The following CCSER1 variants were observed in gnomAD, a reference collection of about 807,000 sequenced individuals.
CCSER1 encodes coiled-coil serine rich protein 1.
Under a neutral mutation model 82.0 loss-of-function variants are expected in CCSER1, and 41 were observed. The observed-to-expected ratio is 0.50, with a 90% CI of 0.39 to 0.65. The LOEUF (loss-of-function observed/expected upper bound fraction) is 0.65. Among genes scored for constraint, CCSER1 ranks in the 30% least tolerant of loss-of-function variants. The pLI is 0.00. For synonymous variants in CCSER1, 414 were observed against 383.9 expected (o/e 1.08, Z -0.92); for missense variants, 1,119 against 1,064.2 (o/e 1.05, Z -0.72).
chr4:91,457,132 A>G (rs1756224615), intron 10 of CCSER1, among the ~76,000 whole-genome samples: 1 of 152,148 alleles, frequency 6.6e-6, no homozygotes, highest in Non-Finnish European at 1.5e-5. Flanking sequence ...AAGAATGGCT[A>G]CACGTCTCCC....
intron 7 of CCSER1, among the ~76,000 whole-genome samples, chr4:90,814,755 C>T (rs560087646): frequency 6.6e-6 from 1 of 152,314 alleles, no homozygotes; most frequent in East Asian, 1.9e-4. Flanking sequence ...ACCTTTACTC[C>T]AGTTCCCAAT....
chr4:90,194,659 G>A lies in CCSER1; in HGVS notation c.-42+66828G>A, dbSNP rs369591053. 2.4e-4 allele frequency among the ~76,000 whole-genome samples: 37 copies of A among 151,972 alleles called. 1 individual carries two copies. Among genetic ancestry groups the A allele is most frequent in the African/African-American group, 8.4e-4 (35 of 41,474 alleles). On this transcript the variant is annotated intron_variant, in intron 1 of 10. Transcript: ENST00000509176. ...TGATCTCATTTTTGTGGTATTAATT[G>A]ATCCAAGTAATTTACCACCTGTCAA...
intron 10 of CCSER1, among the ~76,000 whole-genome samples, chr4:91,402,935 G>A (rs911289202): frequency 3.3e-5 from 5 of 152,166 alleles, no homozygotes; most frequent in Non-Finnish European, 7.4e-5. Context: ...TGTGAAGAAA[G>A]TCATTGGTAG....
intron 10 of CCSER1, among the ~76,000 whole-genome samples, chr4:91,589,914 A>T (rs908384822): frequency 6.6e-5 from 10 of 151,570 alleles, no homozygotes; most frequent in East Asian, 1.9e-4. Context: ...ACACACACAC[A>T]CTCTCTCACA....
chr4:91,393,178 ATAT>A (rs1408472445), intron 10 of CCSER1, among the ~76,000 whole-genome samples: 1 of 152,120 alleles, frequency 6.6e-6, no homozygotes, highest in Non-Finnish European at 1.5e-5. Context: ...CTCGGTACTG[ATAT>A]TATTGGTATT....
chr4:90,235,363 G>T (rs913596219), intron 1 of CCSER1: 1 of 152,144 alleles, frequency 6.6e-6, no homozygotes, highest in African/African-American at 2.4e-5. Context: ...ATCTTCTCTA[G>T]CATCTGGGAC....
intron 10 of CCSER1, among the ~76,000 whole-genome samples, chr4:91,116,817 G>A (rs909591872): frequency 8.5e-5 from 13 of 152,254 alleles, no homozygotes; most frequent in African/African-American, 1.4e-4. Flanking sequence ...TAGTTTTACC[G>A]AGTGGGAAGT....
chr4:90,830,274 G>A (rs1361236798), intron 8 of CCSER1, among the ~76,000 whole-genome samples: 2 of 152,048 alleles, frequency 1.3e-5, no homozygotes, highest in East Asian at 3.9e-4. Flanking sequence ...CTCACCCTTG[G>A]CCGTAATTTT....
chr4:90,333,439 A>G, intron 3 of CCSER1, among the ~76,000 whole-genome samples: 1 of 152,226 alleles, frequency 6.6e-6, no homozygotes, highest in East Asian at 1.9e-4. Flanking sequence ...ACGAAACAAA[A>G]AAAGAAATAA....
intron 10 of CCSER1, among the ~76,000 whole-genome samples, chr4:91,321,683 A>G (rs1328036503): frequency 6.6e-6 from 1 of 152,066 alleles, no homozygotes. Context: ...TATAAATGAA[A>G]TCATGCTCAC....
intron 1 of CCSER1, among the ~76,000 whole-genome samples, chr4:90,274,004 CTA>C (rs1211126750): frequency 5.3e-5 from 8 of 152,116 alleles, no homozygotes; most frequent in Non-Finnish European, 8.8e-5. Context: ...TTTAAAAACA[CTA>C]ATGCAAATTT....
At position 91,339,621 on chromosome 4, in the gene CCSER1, T is replaced by C. The variant is rs569623474; in HGVS notation, c.2217+253627T>C. Among the ~76,000 whole-genome samples, 297 of 152,256 alleles carry C rather than the reference T, an allele frequency of 2.0e-3. 2 individuals carry two copies. The highest frequency in any genetic ancestry group is 6.8e-3 in the African/African-American group (281 of 41,542). On this transcript the variant is annotated intron_variant, in intron 10 of 10. Transcript: ENST00000509176. The stretch of plus-strand genomic sequence containing the variant: ...TTGCAACATTCTACATCCTCTCAGA[T>C]TTCAGTACCACTTTTTTCTTTACCA...
At chr4:90,586,358 T>TA (rs1782023907) in intron 5 of CCSER1, among the ~76,000 whole-genome samples, 1 of 152,188 alleles carries the variant, frequency 6.6e-6, no homozygotes, top group African/African-American at 2.4e-5. Flanking sequence ...TAAGTGTTGC[T>TA]AAAAAATAAG....
At chr4:91,132,834 G>T (rs1040862097) in intron 10 of CCSER1, among the ~76,000 whole-genome samples, 2 of 152,220 alleles carry the variant, frequency 1.3e-5, no homozygotes, top group Non-Finnish European at 2.9e-5. Context: ...ACCTATCCTT[G>T]ATCTTAAAAT....
Position 90,371,505 on chromosome 4 carries a change from T to G in CCSER1, c.1510-28531T>G, listed in dbSNP as rs529248068. On this transcript the variant is annotated intron_variant, in intron 3 of 10. Transcript: ENST00000509176. ...AGTGGGAGTTTATACATAATGAAAATAAATAATAACCAACTCCCTTAAGAC... is the reference window on the plus strand; with the variant it reads ...AGTGGGAGTTTATACATAATGAAAAGAAATAATAACCAACTCCCTTAAGAC... 7.3e-5 allele frequency among the ~76,000 whole-genome samples: 11 copies of G among 150,964 alleles called. No homozygotes were observed. In the South Asian group the frequency reaches 2.3e-3, roughly 32 times the overall value.
chr4:91,116,681 G>T (rs1445048059), intron 10 of CCSER1, among the ~76,000 whole-genome samples: 1 of 152,126 alleles, frequency 6.6e-6, no homozygotes, highest in Non-Finnish European at 1.5e-5. Context: ...TGCTGTTTTT[G>T]TTGTTAAAGA....
intron 1 of CCSER1, among the ~76,000 whole-genome samples, chr4:90,199,216 T>C (rs7692853): frequency 1 from 152,250 of 152,280 alleles, 76,110 homozygotes; most frequent in Middle Eastern, 1. Flanking sequence ...TTAAAAAGGG[T>C]ATTGTAACAG....
intron 7 of CCSER1, among the ~76,000 whole-genome samples, chr4:90,777,986 T>A (rs1561118954): frequency 6.6e-6 from 1 of 152,148 alleles, no homozygotes; most frequent in Non-Finnish European, 1.5e-5. Context: ...AAATATTTGT[T>A]GATCTTGTTT....
At chr4:90,355,098 CAGACTGA>C (rs1475345076) in intron 3 of CCSER1, among the ~76,000 whole-genome samples, 2 of 152,008 alleles carry the variant, frequency 1.3e-5, no homozygotes, top group African/African-American at 2.4e-5. Context: ...AAGTAATATG[CAGACTGA>C]AGACTTCTGG....
Sources: allele counts gnomAD v4.1 joint callset (sites outside exome capture counted in the v4.1 genomes callset), GRCh38; gene constraint gnomAD v4.1.1; transcripts MANE v1.5; gene names NCBI Gene and HGNC (gene_info 2026-07-23, HGNC 2026-07-21).